Variants in THSD7B observed in about 807,000 individuals in gnomAD.
THSD7B encodes thrombospondin type 1 domain containing 7B, also known as thrombospondin type-1 domain-containing protein 7B.
THSD7B carries 138 observed loss-of-function variants against 213.6 expected under a neutral mutation model. The observed-to-expected ratio is 0.65, with a 90% CI of 0.56 to 0.74. The LOEUF is 0.74. THSD7B is among the 30% of genes least tolerant of loss of function. The probability of loss-of-function intolerance (pLI) is 0.00; values close to 1 mark genes in which losing one functional copy is unlikely to be tolerated. For synonymous variants in THSD7B, 742 were observed against 687.0 expected (o/e 1.08, Z -1.25); for missense variants, 1,931 against 1,991.5 (o/e 0.97, Z 0.58).
At chr2:137,592,341 C>A (rs988426464) in intron 17 of THSD7B, among the ~76,000 whole-genome samples, 7 of 151,648 alleles carry the variant, frequency 4.6e-5, no homozygotes, top group Non-Finnish European at 7.4e-5. Flanking sequence ...TCATCAGTTT[C>A]TGTATTTTAC....
intron 3 of THSD7B, among the ~76,000 whole-genome samples, chr2:137,086,337 C>A (rs955990083): frequency 6.6e-5 from 10 of 151,866 alleles, no homozygotes; most frequent in Non-Finnish European, 1.2e-4. Flanking sequence ...ACCCCACCAC[C>A]CCCACCACCA....
At chr2:137,489,694 T>G (rs750206732) in intron 15 of THSD7B, among the ~76,000 whole-genome samples, 7 of 152,146 alleles carry the variant, frequency 4.6e-5, no homozygotes, top group Admixed American at 1.3e-4. Flanking sequence ...AAAGAGAAAA[T>G]CCTGGATCAG....
intron 3 of THSD7B, among the ~76,000 whole-genome samples, chr2:137,060,621 C>A (rs1687252785): frequency 2.0e-5 from 3 of 151,874 alleles, no homozygotes; most frequent in African/African-American, 4.8e-5. Flanking sequence ...TAAAGAATAT[C>A]TTTTCTCTAT....
chr2:137,397,696 A>T (rs1686228898), intron 12 of THSD7B, among the ~76,000 whole-genome samples: 1 of 151,720 alleles, frequency 6.6e-6, no homozygotes, highest in Non-Finnish European at 1.5e-5. Context: ...TATTTCCTGA[A>T]TCTGAACGTT....
intron 12 of THSD7B, among the ~76,000 whole-genome samples, chr2:137,301,414 C>CT (rs1308919454): frequency 6.6e-6 from 1 of 152,042 alleles, no homozygotes; most frequent in East Asian, 1.9e-4. Flanking sequence ...AAATTAAACT[C>CT]TTTTACCTCC....
chr2:137,652,440 A>G (rs1385139624), intron 21 of THSD7B, among the ~76,000 whole-genome samples: 1 of 151,856 alleles, frequency 6.6e-6, no homozygotes, highest in Non-Finnish European at 1.5e-5. Context: ...GTCTTTCACT[A>G]TATGTGTCTT....
At chr2:137,546,616 G>C (rs1384859058) in intron 15 of THSD7B, among the ~76,000 whole-genome samples, 4 of 137,350 alleles carry the variant, frequency 2.9e-5, no homozygotes, top group African/African-American at 1.1e-4. Flanking sequence ...TTTTTTGTTT[G>C]TTTTTTACAG....
chr2:136,933,009 G>A (rs947109197), intron 2 of THSD7B, among the ~76,000 whole-genome samples: 2 of 152,156 alleles, frequency 1.3e-5, no homozygotes, highest in Non-Finnish European at 2.9e-5. Flanking sequence ...AAGAAAGGCG[G>A]TTTTGGAAGT....
chr2:137,329,802 A>G (rs1010357768), intron 12 of THSD7B, among the ~76,000 whole-genome samples: 1 of 152,244 alleles, frequency 6.6e-6, no homozygotes, highest in African/African-American at 2.4e-5. Context: ...AGAAATTTGC[A>G]TAAGTAATGA....
intron 12 of THSD7B, among the ~76,000 whole-genome samples, chr2:137,349,968 C>T (rs1218045701): frequency 2.0e-5 from 3 of 151,764 alleles, no homozygotes; most frequent in Non-Finnish European, 4.4e-5. Flanking sequence ...ATGGAACACA[C>T]AGTTTGGGGC....
intron 7 of THSD7B, among the ~76,000 whole-genome samples, chr2:137,206,571 C>T (rs1430426394): frequency 3.3e-5 from 5 of 151,946 alleles, no homozygotes; most frequent in African/African-American, 1.2e-4. Context: ...AAGAGATCCC[C>T]AGGTGATTCT....
chr2:137,022,546 G>GT (rs150514343), intron 2 of THSD7B, among the ~76,000 whole-genome samples: 9,715 of 147,752 alleles, frequency 0.066, 316 homozygotes, highest in African/African-American at 0.083. Flanking sequence ...AAAAATCTTC[G>GT]TTTTTTTTTT....
intron 5 of THSD7B, among the ~76,000 whole-genome samples, chr2:137,152,714 T>A (rs1173625044): frequency 1.3e-5 from 2 of 152,214 alleles, no homozygotes; most frequent in African/African-American, 4.8e-5. Context: ...TTAACTGTTG[T>A]CATAGTTTCT....
chr2:136,833,550 T>A (rs1383392546), intron 1 of THSD7B, among the ~76,000 whole-genome samples: 1 of 151,172 alleles, frequency 6.6e-6, no homozygotes, highest in African/African-American at 2.4e-5. Flanking sequence ...AAGGGTCAAG[T>A]GTGGGTCATA....
At chr2:136,876,327 G>T (rs1244036345) in intron 1 of THSD7B, among the ~76,000 whole-genome samples, 1 of 152,120 alleles carries the variant, frequency 6.6e-6, no homozygotes, top group East Asian at 1.9e-4. Context: ...GGATTCACCA[G>T]GAAGCTATAT....
chr2:136,892,770 C>G (rs1480610705), intron 2 of THSD7B, among the ~76,000 whole-genome samples: 2 of 152,042 alleles, frequency 1.3e-5, no homozygotes, highest in African/African-American at 4.8e-5. Context: ...AAGCCACAAG[C>G]CTTGCCCCTT....
intron 12 of THSD7B, among the ~76,000 whole-genome samples, chr2:137,340,609 G>T (rs1684741113): frequency 6.6e-6 from 1 of 151,612 alleles, no homozygotes; most frequent in Non-Finnish European, 1.5e-5. Context: ...CTCCATAATT[G>T]CCATTCTACT....
intron 7 of THSD7B, among the ~76,000 whole-genome samples, chr2:137,183,134 C>T (rs953435414): frequency 3.3e-5 from 5 of 152,000 alleles, no homozygotes; most frequent in Admixed American, 6.6e-5. Flanking sequence ...GACTTATGGT[C>T]GTAAGGATGC....
At chr2:137,667,972 A>G (rs1212541690) in intron 27 of THSD7B, 111 bp downstream of exon 27, 1 of 721,364 alleles carries the variant, frequency 1.4e-6, no homozygotes, top group Non-Finnish European at 2.1e-6. Context: ...TCTTGAGTCC[A>G]AAAATTAACA....
Sources: allele counts gnomAD v4.1 joint callset (sites outside exome capture counted in the v4.1 genomes callset), GRCh38; gene constraint gnomAD v4.1.1; transcripts MANE v1.5; gene names NCBI Gene and HGNC (gene_info 2026-07-23, HGNC 2026-07-21).